ODF4: variants seen among roughly 807,000 people sequenced by gnomAD.
ODF4 encodes outer dense fiber protein 4.
ODF4 carries 11 observed loss-of-function variants against 17.0 expected under a neutral mutation model. The observed-to-expected ratio is 0.65, with a 90% CI of 0.41 to 1.07. ODF4 has a LOEUF of 1.07. ODF4 is among the 50% of genes least tolerant of loss of function. The pLI is 0.00. For missense variants in ODF4, 281 were observed against 310.2 expected (o/e 0.91, Z 0.71); for synonymous variants, 127 against 121.8 (o/e 1.04, Z -0.28).
At position 8,345,498 on chromosome 17, in the gene ODF4, G is replaced by A. The variant is rs546001354; in HGVS notation, c.589+21G>A. 2 of 1,612,548 alleles carry A rather than the reference G, an allele frequency of 1.2e-6. No individual in the cohort carries two copies. The highest frequency in any genetic ancestry group is 1.7e-6 in the Non-Finnish European group (2 of 1,179,120). ...CTGCGGTGAGTGGCCAGAGGGCCCT[G>A]GGGGAAGGAAGCGACATGGGTAGGG... is the stretch of plus-strand genomic sequence containing the variant. On this transcript the variant is annotated intron_variant, in intron 2 of 2. Transcript: ENST00000328248. This position sits in a 1 kb window ranked among gnomAD's most constrained non-coding sequence, Gnocchi z 4.1.
chr17:8,339,990 T>C lies in ODF4; in HGVS notation c.-62T>C, dbSNP rs150896157. ...GCAGCTGATGAAAATATCCAAAAGA[T>C]GAGAAGAGACAATTGAGTCTGGTGA... On this transcript the variant is annotated 5_prime_UTR_variant, in exon 1 of 3. An upstream start codon of the reference 5' UTR is lost. Coordinates refer to ENST00000328248, the MANE Select transcript of ODF4 (RefSeq NM_153007.5). The C allele has an allele frequency of 1.7e-3, 1,855 of 1,097,664 alleles. 18 individuals carry two copies. In the African/African-American group the frequency reaches 0.026, roughly 15 times the overall value. 68.0% of individuals were successfully genotyped at this position (1,097,664 alleles called of 1,614,324 possible).
rs1288156362 is a variant in ODF4 at position 8,343,827 on chromosome 17, T to TGC, written c.455-1515_455-1514insCG. Reference sequence around the variant, plus strand: ...CCGCACCCAGCCAAGTGTGTGTGTGTGTGTGTGTGTGTGTGTGTGTGTCTA... The same window carrying TGC: ...CCGCACCCAGCCAAGTGTGTGTGTGTGCGTGTGTGTGTGTGTGTGTGTGTCTA... On this transcript the variant is annotated intron_variant, in intron 1 of 2. Coordinates refer to ENST00000328248, the MANE Select transcript of ODF4 (RefSeq NM_153007.5). Among the ~76,000 whole-genome samples the TGC allele has an allele frequency of 4.3e-5, 5 of 117,296 alleles. 1 individual carries two copies. The highest frequency in any genetic ancestry group is 1.1e-4 in the African/African-American group (3 of 26,966). The allele number at this position is 117,296 out of a possible 152,430, so 77.0% of individuals were successfully genotyped here.
chr17:8,342,874 A>G (rs764056365), intron 1 of ODF4, among the ~76,000 whole-genome samples: 36 of 150,916 alleles, frequency 2.4e-4, no homozygotes, highest in Non-Finnish European at 4.4e-4. Flanking sequence ...CTGGCACCAC[A>G]GATGCCACCA....
Position 8,345,758 on chromosome 17 carries a change from C to G in ODF4, c.680C>G (p.Ser227Ter). 2 of 1,614,056 alleles carry G rather than the reference C, an allele frequency of 1.2e-6. No individual in the cohort carries two copies. Among genetic ancestry groups the G allele is most frequent in the Non-Finnish European group, 1.7e-6 (2 of 1,179,970 alleles). Reference sequence around the variant, plus strand: ...GTGTCCTGCAGCAGCAGTTTCGGCTCAGTAGAAGAATCTCCAAGGGCACAG... The same window carrying G: ...GTGTCCTGCAGCAGCAGTTTCGGCTGAGTAGAAGAATCTCCAAGGGCACAG... ...GAVSCSSSFG[S>*]VEESPRAQTI... The change falls in exon 3 of 3, where the codon TCA becomes TGA. Residue 227 changes from serine (S) to a stop codon, truncating the protein, a stop_gained. Transcript: ENST00000328248. LOFTEE classifies it low-confidence loss of function (END_TRUNC). This position sits in a 1 kb window ranked among gnomAD's most constrained non-coding sequence, Gnocchi z 4.1.
rs1905967787 is a variant in ODF4 at position 8,340,492 on chromosome 17, A to G, written c.441A>G (p.Leu147=). The change falls in exon 1 of 3, where the codon TTA becomes TTG. Residue 147 remains leucine, a synonymous_variant. Coordinates refer to ENST00000328248, the MANE Select transcript of ODF4 (RefSeq NM_153007.5). The part of the protein sequence containing the change: ...HFYKSRSCSD[L]ENGKVTFIFS... ...ACAAATCCAGGAGCTGTTCTGACTTAGAGAATGGGAAAGGTGAGCCCCTCC... is the reference window on the plus strand; with the variant it reads ...ACAAATCCAGGAGCTGTTCTGACTTGGAGAATGGGAAAGGTGAGCCCCTCC... The G allele has an allele frequency of 1.2e-6, 2 of 1,609,404 alleles. No individual in the cohort carries two copies. Among genetic ancestry groups the G allele is most frequent in the African/African-American group, 1.3e-5 (1 of 74,768 alleles).
At chr17:8,344,814 A>G in intron 1 of ODF4, 1 of 956,638 alleles carries the variant, frequency 1.0e-6, no homozygotes, top group Non-Finnish European at 1.2e-6. Flanking sequence ...TGCTCATTTG[A>G]TTATGTTTCA....
chr17:8,341,785 G>GAA (rs56671519), intron 1 of ODF4, among the ~76,000 whole-genome samples: 1 of 151,636 alleles, frequency 6.6e-6, no homozygotes, highest in East Asian at 1.9e-4. Context: ...TCCTTAGCAT[G>GAA]AAAAAAATCA....
chr17:8,341,850 T>C (rs1316633937), intron 1 of ODF4, among the ~76,000 whole-genome samples: 2 of 152,166 alleles, frequency 1.3e-5, no homozygotes, highest in African/African-American at 4.8e-5. Flanking sequence ...TATGAAAATA[T>C]TCATATAATG....
rs138113934 is a variant in ODF4 at position 8,345,786 on chromosome 17, G to A, written c.708G>A (p.Thr236=). 5.6e-6 allele frequency: 9 copies of A among 1,613,948 alleles called. No individual in the cohort carries two copies. In the Admixed American group the frequency reaches 8.3e-5, roughly 15 times the overall value. The change falls in exon 3 of 3, where the codon ACG becomes ACA. Residue 236 remains threonine, a synonymous_variant. Transcript: ENST00000328248. This position sits in a 1 kb window ranked among gnomAD's most constrained non-coding sequence, Gnocchi z 4.1. ...GSVEESPRAQ[T]ITDTPITQEG... is the part of the protein sequence containing the mutation. ...TAGAAGAATCTCCAAGGGCACAGAC[G>A]ATCACAGACACCCCCATCACCCAGG...
intron 1 of ODF4, among the ~76,000 whole-genome samples, chr17:8,342,370 G>A (rs1024754000): frequency 3.3e-5 from 5 of 152,124 alleles, no homozygotes; most frequent in Non-Finnish European, 7.4e-5. Flanking sequence ...AGCCTCCCAA[G>A]TAGATGGGAT....
At chr17:8,344,170 C>T (rs190361725) in intron 1 of ODF4, among the ~76,000 whole-genome samples, 2 of 126,836 alleles carry the variant, frequency 1.6e-5, no homozygotes, top group African/African-American at 6.6e-5. Context: ...GAGATCCTCC[C>T]ACCTCAGCTT....
chr17:8,345,910 C>A lies in ODF4; in HGVS notation c.*58C>A. 2 of 1,424,604 alleles carry A rather than the reference C, an allele frequency of 1.4e-6. No homozygotes were observed. The highest frequency in any genetic ancestry group is 9.8e-7 in the Non-Finnish European group (1 of 1,019,276). The allele number at this position is 1,424,604 out of a possible 1,614,324, so 88.2% of individuals were successfully genotyped here. ...CATTCATCTGACCCCATCTCCTCAT[C>A]CTCCCCCAGCCCTTGAATAGGTTGG... On this transcript the variant is annotated 3_prime_UTR_variant, in exon 3 of 3. Transcript: ENST00000328248. The surrounding 1 kb of genome is among the most constrained non-coding windows in gnomAD (Gnocchi z 4.1).
rs569257821 is a variant in ODF4 at position 8,345,018 on chromosome 17, G to C, written c.455-325G>C. The C allele has an allele frequency of 4.0e-5, 43 of 1,073,844 alleles. No homozygotes were observed. The highest frequency in any genetic ancestry group is 4.4e-5 in the Non-Finnish European group (39 of 885,498). 66.5% of individuals were successfully genotyped at this position (1,073,844 alleles called of 1,614,324 possible). ...TCAAAAATTGCCCTTTGTGGGCTTC[G>C]GGACCATCTTGAGCTTCTGTGAAGG... On this transcript the variant is annotated intron_variant, in intron 1 of 2. Transcript: ENST00000328248. The surrounding 1 kb of genome is among the most constrained non-coding windows in gnomAD (Gnocchi z 4.1).
Position 8,340,307 on chromosome 17 carries a change from G to A in ODF4, c.256G>A (p.Glu86Lys). 6.2e-7 allele frequency: 1 copy of A among 1,613,648 alleles called. No homozygotes were observed. The highest frequency in any genetic ancestry group is 8.5e-7 in the Non-Finnish European group (1 of 1,179,818). ...FRWMAQVLASELSLVAFILLL... is the reference protein window; with the variant it reads ...FRWMAQVLASKLSLVAFILLL... ...CTGGATGGCCCAGGTGTTGGCCTCT[G>A]AGCTCAGCCTGGTTGCCTTTATCCT... The change falls in exon 1 of 3, where the codon GAG becomes AAG. Residue 86 changes from glutamate (E) to lysine (K), a missense_variant. By Grantham distance (56) the Glu-to-Lys change is moderately conservative. Transcript: ENST00000328248.
chr17:8,339,972 A>T lies in ODF4; in HGVS notation c.-80A>T, dbSNP rs1461784324. ...ACCTCAGGCTGCATGGTGGCAGCTG[A>T]TGAAAATATCCAAAAGATGAGAAGA... On this transcript the variant is annotated 5_prime_UTR_variant, in exon 1 of 3. It removes an upstream start codon present in the reference 5' UTR. Coordinates refer to ENST00000328248, the MANE Select transcript of ODF4 (RefSeq NM_153007.5). 1 of 910,506 alleles carries T rather than the reference A, an allele frequency of 1.1e-6. No individual in the cohort carries two copies. The highest frequency in any genetic ancestry group is 1.6e-5 in the African/African-American group (1 of 60,794). 56.4% of individuals were successfully genotyped at this position (910,506 alleles called of 1,614,324 possible).
Position 8,345,787 on chromosome 17 carries a change from A to C in ODF4, c.709A>C (p.Ile237Leu). The C allele has an allele frequency of 1.2e-6, 2 of 1,614,104 alleles. No homozygotes were observed. The highest frequency in any genetic ancestry group is 2.2e-5 in the South Asian group (2 of 91,080). The change falls in exon 3 of 3, where the codon ATC becomes CTC. Residue 237 changes from isoleucine (I) to leucine (L), a missense_variant. Physicochemically the swap from Ile to Leu is conservative, Grantham distance 5 (BLOSUM62 2). Coordinates refer to ENST00000328248, the MANE Select transcript of ODF4 (RefSeq NM_153007.5). The surrounding 1 kb of genome is among the most constrained non-coding windows in gnomAD (Gnocchi z 4.1). The stretch of plus-strand genomic sequence containing the variant: ...AGAAGAATCTCCAAGGGCACAGACG[A>C]TCACAGACACCCCCATCACCCAGGA... ...SVEESPRAQT[I>L]TDTPITQEGV...
intron 1 of ODF4, among the ~76,000 whole-genome samples, chr17:8,343,194 T>C (rs1054761321): frequency 2.6e-5 from 4 of 151,090 alleles, no homozygotes; most frequent in East Asian, 1.9e-4. Flanking sequence ...TGCAGTGGCA[T>C]GATCTCGGCT....
chr17:8,345,589 C>A lies in ODF4; in HGVS notation c.590-79C>A. On this transcript the variant is annotated intron_variant, in intron 2 of 2. Coordinates refer to ENST00000328248, the MANE Select transcript of ODF4 (RefSeq NM_153007.5). This position sits in a 1 kb window ranked among gnomAD's most constrained non-coding sequence, Gnocchi z 4.1. Reference sequence around the variant, plus strand: ...CAGGGCTAGATTTTTAGGGTCTTATCTTCCCTTTGGTCTCACCCTACTTGT... The same window carrying A: ...CAGGGCTAGATTTTTAGGGTCTTATATTCCCTTTGGTCTCACCCTACTTGT... The A allele has an allele frequency of 6.5e-7, 1 of 1,529,994 alleles. No individual in the cohort carries two copies. Among genetic ancestry groups the A allele is most frequent in the Non-Finnish European group, 9.0e-7 (1 of 1,112,710 alleles). 94.8% of individuals were successfully genotyped at this position (1,529,994 alleles called of 1,614,324 possible). A position where few individuals can be genotyped will look rare whatever the true frequency, so the allele number is the denominator to read the frequency against.
rs562633622 is a variant in ODF4, at chr17:8,339,988, G to C, written c.-64G>C. 9.2e-7 allele frequency: 1 copy of C among 1,087,398 alleles called. No homozygotes were observed. The highest frequency in any genetic ancestry group is 2.4e-5 in the East Asian group (1 of 40,920). The allele number at this position is 1,087,398 out of a possible 1,614,324, so 67.4% of individuals were successfully genotyped here. On this transcript the variant is annotated 5_prime_UTR_variant, in exon 1 of 3. Transcript: ENST00000328248. ...TGGCAGCTGATGAAAATATCCAAAA[G>C]ATGAGAAGAGACAATTGAGTCTGGT...
Sources: gnomAD v4.1 joint callset for allele counts (sites outside exome capture counted in the v4.1 genomes callset) on GRCh38, gnomAD v4.1.1 for gene constraint, Gnocchi (gnomAD v3.1) non-coding constraint, MANE v1.5 for transcripts, NCBI Gene and HGNC (gene_info 2026-07-23, HGNC 2026-07-21) for gene names.